Variants in EIF2B3 observed in about 807,000 individuals in gnomAD.
The protein encoded by EIF2B3 is eukaryotic translation initiation factor 2B subunit gamma.
In EIF2B3, 20 loss-of-function variants were observed where a neutral mutation model predicts 54.1. That is an observed-to-expected ratio of 0.37 (90% CI 0.26 to 0.54). The LOEUF (loss-of-function observed/expected upper bound fraction) is 0.54. EIF2B3 is among the 20% of genes least tolerant of loss of function. The probability of loss-of-function intolerance (pLI) is 0.86; values close to 1 mark genes in which losing one functional copy is unlikely to be tolerated. For missense variants in EIF2B3, 448 were observed against 547.8 expected, an observed-to-expected ratio of 0.82 and a Z score of 1.82; for synonymous variants, 153 against 188.1, an observed-to-expected ratio of 0.81 and a Z score of 1.52.
intron 3 of EIF2B3, among the ~76,000 whole-genome samples, chr1:44,963,516 C>T (rs979641025): frequency 2.0e-5 from 3 of 152,190 alleles, no homozygotes; most frequent in African/African-American, 4.8e-5. Context: ...GCAATTCACC[C>T]GCCTCAGCCT....
intron 3 of EIF2B3, among the ~76,000 whole-genome samples, chr1:44,952,598 G>A (rs1644178222): frequency 6.8e-6 from 1 of 147,846 alleles, no homozygotes; most frequent in Non-Finnish European, 1.5e-5. Flanking sequence ...TGTCACCCAG[G>A]CTAGAGTGCA....
chr1:44,934,179 C>T (rs191799717), intron 4 of EIF2B3, among the ~76,000 whole-genome samples: 2 of 151,992 alleles, frequency 1.3e-5, no homozygotes, highest in Non-Finnish European at 1.5e-5. Flanking sequence ...AGGTGGATCA[C>T]GAGGTAAGGA....
intron 3 of EIF2B3, among the ~76,000 whole-genome samples, chr1:44,972,266 CATATACACACACAAACACACACAT>C (rs1430986567): frequency 0.096 from 8,937 of 92,814 alleles, 944 homozygotes; most frequent in African/African-American, 0.28. Context: ...CACACACACA[CATATACACACACAAACACACACAT>C]GTATATACAC....
At chr1:44,901,919 T>C (rs773089377) in intron 5 of EIF2B3, among the ~76,000 whole-genome samples, 2 of 152,184 alleles carry the variant, frequency 1.3e-5, no homozygotes, top group Non-Finnish European at 2.9e-5. Flanking sequence ...AAATAAAATC[T>C]ATACAACTCT....
chr1:44,930,301 G>C (rs1408667127), intron 4 of EIF2B3, among the ~76,000 whole-genome samples: 1 of 152,168 alleles, frequency 6.6e-6, no homozygotes, highest in Non-Finnish European at 1.5e-5. Context: ...TTATGAGAAA[G>C]GAACAGGCAA....
At chr1:44,886,024 C>T (rs1344129590) in intron 6 of EIF2B3, among the ~76,000 whole-genome samples, 1 of 150,924 alleles carries the variant, frequency 6.6e-6, no homozygotes, top group Non-Finnish European at 1.5e-5. Flanking sequence ...GGATTACAGG[C>T]GTAAGCTACC....
intron 6 of EIF2B3, among the ~76,000 whole-genome samples, chr1:44,888,879 A>G (rs1655696259): frequency 6.6e-6 from 1 of 152,234 alleles, no homozygotes; most frequent in Non-Finnish European, 1.5e-5. Flanking sequence ...TTCATGTCAT[A>G]GCTAGCTCTA....
intron 8 of EIF2B3, 63 bp from the exon 9 acceptor site, chr1:44,875,758 T>TCTCCCTCTACCTCTCCCA: frequency 7.6e-7 from 1 of 1,323,250 alleles, no homozygotes; most frequent in East Asian, 2.3e-5. Flanking sequence ...TCCCTCTCCC[T>TCTCCCTCTACCTCTCCCA]CTCCCTCTAC....
chr1:44,912,438 T>C (rs1017042250), intron 5 of EIF2B3, among the ~76,000 whole-genome samples: 1 of 152,172 alleles, frequency 6.6e-6, no homozygotes, highest in African/African-American at 2.4e-5. Context: ...ATCATTTCCT[T>C]CCTCAAAAGT....
chr1:44,866,532 G>A (rs1402927253), intron 10 of EIF2B3, among the ~76,000 whole-genome samples: 2 of 152,010 alleles, frequency 1.3e-5, no homozygotes, highest in Non-Finnish European at 2.9e-5. Flanking sequence ...GCACAGAGGT[G>A]GGGAAAATAG....
At position 44,981,183 on chromosome 1, in the gene EIF2B3, A is replaced by G. The variant is rs1240000772; in HGVS notation, c.-9-6T>C. Reference sequence around the variant, plus strand: ...TGAAATTCCATTTTTACAAACTGCAAGTACAGAAAAAACAATTAACAGAAA... The same window carrying G: ...TGAAATTCCATTTTTACAAACTGCAGGTACAGAAAAAACAATTAACAGAAA... On this transcript the variant is annotated splice_region_variant and splice_polypyrimidine_tract_variant and intron_variant, in intron 1 of 11. Coordinates refer to ENST00000360403, the MANE Select transcript of EIF2B3 (RefSeq NM_020365.5). 6 of 1,613,450 alleles carry G rather than the reference A, an allele frequency of 3.7e-6. No homozygotes were observed. Among genetic ancestry groups the G allele is most frequent in the Non-Finnish European group, 5.1e-6 (6 of 1,179,940 alleles).
At chr1:44,891,091 T>C (rs1459094115) in intron 6 of EIF2B3, among the ~76,000 whole-genome samples, 1 of 152,070 alleles carries the variant, frequency 6.6e-6, no homozygotes, top group Non-Finnish European at 1.5e-5. Context: ...AAAAAGAGAC[T>C]TTTTTTAAAT....
At chr1:44,958,558 T>C (rs1003236264) in intron 3 of EIF2B3, 17 of 1,407,782 alleles carry the variant, frequency 1.2e-5, no homozygotes, top group Admixed American at 6.9e-5. Context: ...TATCCTATTA[T>C]GTCTTTGTGT....
At chr1:44,862,355 A>G (rs1210942941) in intron 10 of EIF2B3, among the ~76,000 whole-genome samples, 1 of 152,184 alleles carries the variant, frequency 6.6e-6, no homozygotes, top group African/African-American at 2.4e-5. Context: ...AATTACTCTG[A>G]AAACTGTAAC....
At chr1:44,928,286 A>T (rs980747369) in intron 4 of EIF2B3, among the ~76,000 whole-genome samples, 2 of 152,082 alleles carry the variant, frequency 1.3e-5, no homozygotes, top group African/African-American at 4.8e-5. Flanking sequence ...TCTACTAAAA[A>T]TAAAAAAATC....
Position 44,958,833 on chromosome 1 carries a change from G to A in EIF2B3, c.295-17168C>T, listed in dbSNP as rs530965481. On this transcript the variant is annotated intron_variant, in intron 3 of 11. Transcript: ENST00000360403. ...CGTGTTGGACGTTAGCTCCTGAGCA[G>A]TGGGCTTCTGGACATATCAGGTACA... 3.5e-4 allele frequency: 359 copies of A among 1,025,910 alleles called. 5 individuals are homozygous for A. The South Asian group carries it at 4.3e-3, about 12-fold the overall frequency. 63.6% of individuals were successfully genotyped at this position (1,025,910 alleles called of 1,614,324 possible). A position where few individuals can be genotyped will look rare whatever the true frequency, so the allele number is the denominator to read the frequency against.
At chr1:44,963,397 G>A (rs556075557) in intron 3 of EIF2B3, among the ~76,000 whole-genome samples, 11 of 151,790 alleles carry the variant, frequency 7.2e-5, no homozygotes, top group Non-Finnish European at 1.5e-4. Flanking sequence ...AGCCTCTTGA[G>A]TAGCTGGGAC....
chr1:44,862,079 C>T (rs1272120098), intron 10 of EIF2B3, among the ~76,000 whole-genome samples: 2 of 152,168 alleles, frequency 1.3e-5, no homozygotes, highest in Non-Finnish European at 2.9e-5. Flanking sequence ...TGCCAATTGG[C>T]AGCAAGGACT....
chr1:44,981,234 C>T (rs778444230), intron 1 of EIF2B3, 57 bp from the exon 2 acceptor site: 131 of 1,573,604 alleles, frequency 8.3e-5, no homozygotes, highest in Non-Finnish European at 1.1e-4. Context: ...AAAATCAAAG[C>T]ACACATACTA....
Sources: allele counts gnomAD v4.1 joint callset (sites outside exome capture counted in the v4.1 genomes callset), GRCh38; gene constraint gnomAD v4.1.1; transcripts MANE v1.5; gene names NCBI Gene and HGNC (gene_info 2026-07-23, HGNC 2026-07-21).